TRIO: variants seen among roughly 807,000 people sequenced by gnomAD.
TRIO encodes the protein triple functional domain protein.
A neutral mutation model predicts 351.9 loss-of-function variants in TRIO; 58 were observed. That is an observed-to-expected ratio of 0.16 (90% CI 0.13 to 0.21). The LOEUF (loss-of-function observed/expected upper bound fraction) is 0.21. Ranked by LOEUF, TRIO falls within the 10% of genes least tolerant of loss-of-function variation. The pLI is 1.00. For missense variants in TRIO, 3,201 were observed against 4,027.8 expected, an observed-to-expected ratio of 0.79 and a Z score of 5.56; for synonymous variants, 1,758 against 1,595.7, an observed-to-expected ratio of 1.10 and a Z score of -2.42.
At chr5:14,443,728 T>G (rs1176494107) in intron 34 of TRIO, among the ~76,000 whole-genome samples, 1 of 152,244 alleles carries the variant, frequency 6.6e-6, no homozygotes, top group Admixed American at 6.5e-5. Context: ...TTTTATGTGC[T>G]GACATTGCCA....
chr5:14,348,038 C>T (rs1030307024), intron 11 of TRIO, among the ~76,000 whole-genome samples: 7 of 152,222 alleles, frequency 4.6e-5, no homozygotes, highest in African/African-American at 1.7e-4. Flanking sequence ...GTCATGCCCC[C>T]AAATAACTCC....
chr5:14,436,317 A>G (rs1751584865), intron 34 of TRIO, among the ~76,000 whole-genome samples: 1 of 152,110 alleles, frequency 6.6e-6, no homozygotes, highest in African/African-American at 2.4e-5. Context: ...AGACTTATTC[A>G]CTGTCACAAG....
chr5:14,271,741 A>G (rs1342050704), intron 2 of TRIO, among the ~76,000 whole-genome samples: 1 of 152,232 alleles, frequency 6.6e-6, no homozygotes, highest in Non-Finnish European at 1.5e-5. Flanking sequence ...TCTTTCTTAA[A>G]TAGGCATTCT....
chr5:14,441,565 C>T (rs771819256), intron 34 of TRIO, among the ~76,000 whole-genome samples: 7 of 152,162 alleles, frequency 4.6e-5, no homozygotes, highest in East Asian at 1.9e-4. Context: ...ATGTGAGGAG[C>T]AACTGGGAAC....
intron 9 of TRIO, 56 bp downstream of exon 9, chr5:14,316,799 T>G (rs2152306045): frequency 6.7e-7 from 1 of 1,501,598 alleles, no homozygotes; most frequent in Non-Finnish European, 9.1e-7. Flanking sequence ...GAGTAGAGTT[T>G]AAATACATCA....
intron 13 of TRIO, among the ~76,000 whole-genome samples, chr5:14,363,001 C>CT (rs34314596): frequency 0.7 from 95,011 of 136,054 alleles, 34,461 homozygotes; most frequent in Non-Finnish European, 0.79. Flanking sequence ...TTTCTATCTA[C>CT]TTTTTTTTTT....
At chr5:14,283,148 A>G (rs1736147133) in intron 3 of TRIO, among the ~76,000 whole-genome samples, 1 of 152,012 alleles carries the variant, frequency 6.6e-6, no homozygotes, top group South Asian at 2.1e-4. Flanking sequence ...ATTTCTTTGG[A>G]CTTGTGATTT....
rs1490598742 is a variant in TRIO, at chr5:14,270,839, G to A, written c.172G>A (p.Asp58Asn). 6 of 1,613,684 alleles carry A rather than the reference G, an allele frequency of 3.7e-6. No homozygotes were observed. The highest frequency in any genetic ancestry group is 2.7e-5 in the African/African-American group (2 of 74,904). Residue 58 changes from aspartate to asparagine, a missense_variant, in exon 2 of 57, where the codon GAT becomes AAT. Around this residue, in one of 19 missense-constraint regions of TRIO, gnomAD observed 109 missense variants for 134.6 expected, o/e 0.81. Transcript: ENST00000344204. ...AFFRSGFRKN[D>N]EMKAMDVLPI... ...CTGTATTTCAGGGTTTCGAAAAAAC[G>A]ATGAAATGAAAGCTATGGATGTTTT...
At chr5:14,461,438 A>G (rs1010407424) in intron 35 of TRIO, 127 bp downstream of exon 35, 3 of 1,297,858 alleles carry the variant, frequency 2.3e-6, no homozygotes, top group African/African-American at 3.1e-5. Flanking sequence ...AGAAATTACC[A>G]TTCAAGTCTC....
intron 36 of TRIO, among the ~76,000 whole-genome samples, chr5:14,463,360 A>T (rs1483147053): frequency 6.6e-6 from 1 of 152,220 alleles, no homozygotes; most frequent in African/African-American, 2.4e-5. Flanking sequence ...ATGAGGTTAC[A>T]TCACTGTCCA....
At chr5:14,391,286 ATTACTAT>A (rs1747060589) in intron 27 of TRIO, among the ~76,000 whole-genome samples, 1 of 152,182 alleles carries the variant, frequency 6.6e-6, no homozygotes, top group Non-Finnish European at 1.5e-5. Context: ...TTATAATATC[ATTACTAT>A]TTATATTCAA....
In TRIO at chr5:14,286,716, G is replaced by A. The variant is rs1736473667; in HGVS notation, c.348-155G>A. 6.6e-6 allele frequency among the ~76,000 whole-genome samples: 1 copy of A among 152,180 alleles called. No individual in the cohort carries two copies. The highest frequency in any genetic ancestry group is 2.4e-5 in the African/African-American group (1 of 41,448). On this transcript the variant is annotated intron_variant, in intron 3 of 56. Coordinates refer to ENST00000344204, the MANE Select transcript of TRIO (RefSeq NM_007118.4). This position sits in a 1 kb window ranked among gnomAD's most constrained non-coding sequence, Gnocchi z 4.4. ...CTCTTCCTTTATGGTACAAGGGAGG[G>A]ACGAGAAGGAGCTGAGCACAGTGTG...
intron 1 of TRIO, among the ~76,000 whole-genome samples, chr5:14,173,130 T>TAGG (rs1286711204): frequency 6.6e-6 from 1 of 151,082 alleles, no homozygotes; most frequent in Non-Finnish European, 1.5e-5. Context: ...CCTCTTCCTC[T>TAGG]AGGAGGTCCA....
At chr5:14,465,523 CT>C (rs762398682) in intron 36 of TRIO, 21 bp from the exon 37 acceptor site, 10 of 1,613,724 alleles carry the variant, frequency 6.2e-6, no homozygotes, top group Non-Finnish European at 8.5e-6. Context: ...CCACCCCCTC[CT>C]TTTCTTAATT....
intron 18 of TRIO, among the ~76,000 whole-genome samples, chr5:14,370,403 G>A (rs1041600972): frequency 6.6e-6 from 1 of 151,856 alleles, no homozygotes; most frequent in African/African-American, 2.4e-5. Context: ...TGCATTCTTG[G>A]GCCCTTACAG....
Position 14,421,839 on chromosome 5 carries a change from G to T in TRIO, c.5203+1818G>T, listed in dbSNP as rs545697706. Among the ~76,000 whole-genome samples the T allele has an allele frequency of 4.5e-4, 69 of 152,256 alleles. No homozygotes were observed. The South Asian group carries it at 0.011, about 24-fold the overall frequency. On this transcript the variant is annotated intron_variant, in intron 34 of 56. Coordinates refer to ENST00000344204, the MANE Select transcript of TRIO (RefSeq NM_007118.4). Reference sequence around the variant, plus strand: ...CATCATCAAAAAGTCGGGCAACAAGGGATGAGGATTTAGACGTGGAGTCCA... The same window carrying T: ...CATCATCAAAAAGTCGGGCAACAAGTGATGAGGATTTAGACGTGGAGTCCA...
At chr5:14,468,029 A>G (rs1294896884) in intron 37 of TRIO, among the ~76,000 whole-genome samples, 1 of 152,222 alleles carries the variant, frequency 6.6e-6, no homozygotes, top group East Asian at 1.9e-4. Flanking sequence ...AATAGCCGAA[A>G]TGGTTTCCCA....
chr5:14,246,383 G>A (rs1266943021), intron 1 of TRIO, among the ~76,000 whole-genome samples: 1 of 152,194 alleles, frequency 6.6e-6, no homozygotes, highest in Non-Finnish European at 1.5e-5. Flanking sequence ...CCAAGTCCAT[G>A]AATAAAGTCA....
intron 2 of TRIO, 72 bp from the exon 3 acceptor site, chr5:14,280,250 A>C (rs1735881164): frequency 1.4e-6 from 2 of 1,427,440 alleles, no homozygotes; most frequent in South Asian, 2.3e-5. Context: ...ATTTTGACAG[A>C]GTGAATGGAT....
Sources: allele counts gnomAD v4.1 joint callset (sites outside exome capture counted in the v4.1 genomes callset), GRCh38; gene constraint gnomAD v4.1.1; regional missense constraint gnomAD v4.1.1; non-coding constraint Gnocchi (gnomAD v3.1); transcripts MANE v1.5; gene names NCBI Gene and HGNC (gene_info 2026-07-23, HGNC 2026-07-21).